The following GLIS3 variants were observed in gnomAD, a reference collection of about 807,000 sequenced individuals.
The protein encoded by GLIS3 is zinc finger protein GLIS3.
Under a neutral mutation model 78.6 loss-of-function variants are expected in GLIS3, and 53 were observed. The observed-to-expected ratio is 0.67, with a 90% CI of 0.54 to 0.85. The LOEUF is 0.85. Among genes scored for constraint, GLIS3 ranks in the 40% least tolerant of loss-of-function variants. GLIS3 has a pLI of 0.00. For missense variants in GLIS3, 1,703 were observed against 1,231.1 expected, an observed-to-expected ratio of 1.38 and a Z score of -5.74; for synonymous variants, 684 against 509.9, an observed-to-expected ratio of 1.34 and a Z score of -4.60.
At chr9:4,457,315 C>T in the GLIS3 span, among the ~76,000 whole-genome samples, 1 of 151,306 alleles carries the variant, frequency 6.6e-6, no homozygotes, top group East Asian at 1.9e-4. Context: ...AAGCTATGAT[C>T]ATACCACTGC....
intron 2 of GLIS3, among the ~76,000 whole-genome samples, chr9:4,345,681 T>A (rs1290851641): frequency 1.3e-5 from 2 of 152,218 alleles, no homozygotes; most frequent in African/African-American, 4.8e-5. Context: ...CCCTCCAAAC[T>A]CATTTTCCAG....
At chr9:4,152,447 G>T (rs1486822518) in intron 2 of GLIS3, among the ~76,000 whole-genome samples, 1 of 152,064 alleles carries the variant, frequency 6.6e-6, no homozygotes, top group Admixed American at 6.6e-5. Flanking sequence ...TCATCCAAAG[G>T]CTATTGTTTG....
At chr9:4,455,634 A>G in the GLIS3 span, among the ~76,000 whole-genome samples, 1 of 152,180 alleles carries the variant, frequency 6.6e-6, no homozygotes, top group Non-Finnish European at 1.5e-5. Flanking sequence ...TTTTTCAAAA[A>G]CACTCTATTT....
At chr9:4,293,617 A>G (rs1230978956) in intron 1 of GLIS3, among the ~76,000 whole-genome samples, 1 of 152,258 alleles carries the variant, frequency 6.6e-6, no homozygotes, top group Non-Finnish European at 1.5e-5. Context: ...ACACAAGAAT[A>G]ACAAAACTTC....
chr9:4,084,328 C>T (rs998523596), intron 4 of GLIS3, among the ~76,000 whole-genome samples: 1 of 151,150 alleles, frequency 6.6e-6, no homozygotes, highest in Admixed American at 6.6e-5. Context: ...TTAGAGGGGC[C>T]TGTGGGATAT....
At chr9:4,106,589 TC>T (rs1280502273) in intron 4 of GLIS3, among the ~76,000 whole-genome samples, 4 of 152,212 alleles carry the variant, frequency 2.6e-5, no homozygotes, top group Non-Finnish European at 5.9e-5. Flanking sequence ...AGGCACATTG[TC>T]ATTTTTTCCT....
chr9:4,088,064 G>A (rs1441311230), intron 4 of GLIS3, among the ~76,000 whole-genome samples: 2 of 152,226 alleles, frequency 1.3e-5, no homozygotes, highest in East Asian at 1.9e-4. Flanking sequence ...TAGACAAGGT[G>A]TGAGGATAGC....
chr9:4,143,047 A>G (rs1413436973), intron 2 of GLIS3, among the ~76,000 whole-genome samples: 5 of 152,112 alleles, frequency 3.3e-5, no homozygotes, highest in African/African-American at 1.2e-4. Flanking sequence ...CAAAATATCC[A>G]GAAAAAAAGA....
At chr9:4,447,742 A>C in the GLIS3 span, among the ~76,000 whole-genome samples, 19 of 152,126 alleles carry the variant, frequency 1.2e-4, no homozygotes, top group Non-Finnish European at 1.9e-4. Context: ...AACTTCCCCA[A>C]GGACTCAGAG....
At chr9:4,099,335 C>T (rs1732950952) in intron 4 of GLIS3, among the ~76,000 whole-genome samples, 1 of 152,184 alleles carries the variant, frequency 6.6e-6, no homozygotes, top group South Asian at 2.1e-4. Context: ...TGCCTCTCTG[C>T]TAGTTTCTGG....
At chr9:4,431,973 G>A in the GLIS3 span, among the ~76,000 whole-genome samples, 1 of 152,094 alleles carries the variant, frequency 6.6e-6, no homozygotes, top group East Asian at 1.9e-4. Flanking sequence ...ACATGAATGG[G>A]CATGGCTGCA....
At position 4,138,581 on chromosome 9, in the gene GLIS3, C is replaced by G. The variant is rs16920750; in HGVS notation, c.389-12640G>C. 6.7e-3 allele frequency among the ~76,000 whole-genome samples: 1,027 copies of G among 152,152 alleles called. 23 individuals are homozygous for G. Among genetic ancestry groups the G allele is most frequent in the Admixed American group, 0.053 (812 of 15,266 alleles). The stretch of plus-strand genomic sequence containing the variant: ...GCCAAAATGAAGTGAGGTGCATGTG[C>G]TGAGGAAGTATTATGGAGGCAGCAT... On this transcript the variant is annotated intron_variant, in intron 2 of 10. Coordinates refer to ENST00000381971, the MANE Select transcript of GLIS3 (RefSeq NM_001042413.2).
rs150595644 is a variant in GLIS3 at position 3,964,948 on chromosome 9, C to T, written c.1711-27759G>A. Among the ~76,000 whole-genome samples the T allele has an allele frequency of 8.7e-4, 132 of 152,160 alleles. 1 individual carries two copies. The East Asian group carries it at 0.021, about 24-fold the overall frequency. On this transcript the variant is annotated intron_variant, in intron 4 of 10. Coordinates refer to ENST00000381971, the MANE Select transcript of GLIS3 (RefSeq NM_001042413.2). ...AAGGGTATTGTTGCCTGTTTGAAGT[C>T]AGATACAAATAACTCTATTCTAAAC...
At chr9:3,958,651 T>C (rs1182041536) in intron 4 of GLIS3, among the ~76,000 whole-genome samples, 1 of 152,132 alleles carries the variant, frequency 6.6e-6, no homozygotes, top group Non-Finnish European at 1.5e-5. Context: ...ATGATTGGGA[T>C]AGAGTCCTCG....
chr9:3,943,785 C>T (rs1388145147), intron 4 of GLIS3, among the ~76,000 whole-genome samples: 2 of 152,148 alleles, frequency 1.3e-5, no homozygotes, highest in Non-Finnish European at 2.9e-5. Context: ...GAGTGCGTGC[C>T]GGTCATCTGG....
intron 8 of GLIS3, among the ~76,000 whole-genome samples, chr9:3,863,843 C>T (rs1350460507): frequency 6.6e-6 from 1 of 151,286 alleles, no homozygotes; most frequent in Non-Finnish European, 1.5e-5. Context: ...TTTTTTTCTT[C>T]GAAATGCTGA....
At chr9:4,285,620 T>A (rs1160123032) in intron 2 of GLIS3, 1 of 161,314 alleles carries the variant, frequency 6.2e-6, no homozygotes, top group Non-Finnish European at 1.4e-5. Flanking sequence ...ACACTATACT[T>A]TTAGCACTGG....
chr9:4,181,653 G>A (rs575150017), intron 2 of GLIS3, among the ~76,000 whole-genome samples: 1 of 152,330 alleles, frequency 6.6e-6, no homozygotes, highest in Admixed American at 6.5e-5. Flanking sequence ...CTGAGAGGTG[G>A]AATCTATCTA....
chr9:4,242,786 C>T (rs888489574), intron 2 of GLIS3, among the ~76,000 whole-genome samples: 2 of 152,038 alleles, frequency 1.3e-5, no homozygotes, highest in Non-Finnish European at 2.9e-5. Flanking sequence ...ACCTCATTAA[C>T]AAATTTTTAT....
Sources: allele counts gnomAD v4.1 joint callset (sites outside exome capture counted in the v4.1 genomes callset), GRCh38; gene constraint gnomAD v4.1.1; transcripts MANE v1.5; gene names NCBI Gene and HGNC (gene_info 2026-07-23, HGNC 2026-07-21).